Variants in SRPK1 observed in about 807,000 individuals in gnomAD.
SRPK1 encodes SFRS protein kinase 1.
A neutral mutation model predicts 89.5 loss-of-function variants in SRPK1; 52 were observed. The ratio of observed to expected loss-of-function variants is 0.58; its 90% CI spans 0.46 to 0.73. The LOEUF is 0.73. SRPK1 is among the 30% of genes least tolerant of loss of function. The pLI, the probability that SRPK1 is intolerant of heterozygous loss-of-function variation, is 0.00. For synonymous variants in SRPK1, 255 were observed against 270.2 expected, an observed-to-expected ratio of 0.94 and a Z score of 0.55; for missense variants, 603 against 780.6, an observed-to-expected ratio of 0.77 and a Z score of 2.71.
At chr6:35,869,352 CAATTT>C (rs1225764917) in intron 11 of SRPK1, 125 bp downstream of exon 11, 1 of 1,160,540 alleles carries the variant, frequency 8.6e-7, no homozygotes, top group East Asian at 2.4e-5. Flanking sequence ...CTACAGATTA[CAATTT>C]AAACGTAACT....
chr6:35,870,871 A>G, intron 9 of SRPK1, 63 bp downstream of exon 9: 1 of 1,376,326 alleles, frequency 7.3e-7, no homozygotes, highest in South Asian at 1.4e-5. Flanking sequence ...ACCATCCACA[A>G]CAGAAGAACC....
intron 8 of SRPK1, 35 bp downstream of exon 8, chr6:35,872,525 ACTT>A: frequency 2.6e-6 from 4 of 1,515,292 alleles, no homozygotes; most frequent in Non-Finnish European, 2.6e-6. Context: ...TTTCTTTTTA[ACTT>A]CTAATGATAG....
intron 4 of SRPK1, 27 bp from the exon 5 acceptor site, chr6:35,888,138 A>C (rs1181574602): frequency 6.7e-7 from 1 of 1,488,172 alleles, no homozygotes; most frequent in East Asian, 2.3e-5. Context: ...GGCAATTAAG[A>C]CTACATAGCC....
At position 35,834,059 on chromosome 6, in the gene SRPK1, C is replaced by T. The variant is rs1581983645; in HGVS notation, c.*1245G>A. ...TTTCTCAATTAAAACAAAAAAGCCT[C>T]AAGTACATCTCAATCATGTCAAAAT... On this transcript the variant is annotated 3_prime_UTR_variant, in exon 16 of 16. Transcript: ENST00000373825. 6.6e-6 allele frequency: 1 copy of T among 152,514 alleles called. No homozygotes were observed. Among genetic ancestry groups the T allele is most frequent in the South Asian group, 2.1e-4 (1 of 4,832 alleles). The allele number at this position is 152,514 out of a possible 1,614,324, so 9.4% of individuals were successfully genotyped here. A position where few individuals can be genotyped will look rare whatever the true frequency, so the allele number is the denominator to read the frequency against.
At chr6:35,843,811 G>A (rs1274172850) in intron 13 of SRPK1, among the ~76,000 whole-genome samples, 2 of 152,032 alleles carry the variant, frequency 1.3e-5, no homozygotes, top group Non-Finnish European at 2.9e-5. Context: ...CCTAGCCTAT[G>A]TGACTGGCAA....
chr6:35,838,980 G>C lies in SRPK1; in HGVS notation c.1691-551C>G, dbSNP rs1007943642. Reference sequence around the variant, plus strand: ...GTGGTTGGTCACCCGATAGTGTCTGGCAAGTCCCATTCTGGATTTTGGAGG... The same window carrying C: ...GTGGTTGGTCACCCGATAGTGTCTGCCAAGTCCCATTCTGGATTTTGGAGG... On this transcript the variant is annotated intron_variant, in intron 14 of 15. Transcript: ENST00000373825. 12 of 480,438 alleles carry C rather than the reference G, an allele frequency of 2.5e-5. 1 individual carries two copies. Among genetic ancestry groups the C allele is most frequent in the South Asian group, 1.8e-4 (8 of 45,214 alleles). 29.8% of individuals were successfully genotyped at this position (480,438 alleles called of 1,614,324 possible). A position where few individuals can be genotyped will look rare whatever the true frequency, so the allele number is the denominator to read the frequency against.
At position 35,834,951 on chromosome 6, in the gene SRPK1, A is replaced by C. The variant is rs1769143803; in HGVS notation, c.*353T>G. ...GAAAATTTGACTCTTAGAGTCAATG[A>C]ATAAAAGGATGGGCTCATACACCTT... On this transcript the variant is annotated 3_prime_UTR_variant, in exon 16 of 16. Transcript: ENST00000373825. The C allele has an allele frequency of 5.9e-6, 1 of 169,482 alleles. No homozygotes were observed. Among genetic ancestry groups the C allele is most frequent in the Non-Finnish European group, 1.3e-5 (1 of 78,234 alleles). The allele number at this position is 169,482 out of a possible 1,614,324, so 10.5% of individuals were successfully genotyped here.
At chr6:35,912,852 C>T (rs1771001091) in intron 2 of SRPK1, among the ~76,000 whole-genome samples, 1 of 152,240 alleles carries the variant, frequency 6.6e-6, no homozygotes, top group South Asian at 2.1e-4. Context: ...GGCATAATCA[C>T]AGCTCACTGT....
chr6:35,897,278 T>G (rs1304531412), intron 2 of SRPK1, among the ~76,000 whole-genome samples: 2 of 152,100 alleles, frequency 1.3e-5, no homozygotes, highest in African/African-American at 2.4e-5. Context: ...AAGAGAGAGA[T>G]AAAGTGGTGA....
At chr6:35,858,465 C>G (rs73404059) in intron 12 of SRPK1, among the ~76,000 whole-genome samples, 10,677 of 143,180 alleles carry the variant, frequency 0.075, 1,097 homozygotes, top group African/African-American at 0.24. Flanking sequence ...AATTATCTTA[C>G]AGACTTCCAC....
chr6:35,918,243 G>A (rs1198006493), intron 2 of SRPK1, among the ~76,000 whole-genome samples: 2 of 152,214 alleles, frequency 1.3e-5, no homozygotes, highest in South Asian at 4.1e-4. Flanking sequence ...GCTCATGCCT[G>A]TAATCCCAGC....
At chr6:35,872,830 A>T in intron 7 of SRPK1, 102 bp from the exon 8 acceptor site, 1 of 1,081,166 alleles carries the variant, frequency 9.2e-7, no homozygotes, top group Non-Finnish European at 1.3e-6. Context: ...AAGATATGAT[A>T]GCGTTTTCTA....
intron 12 of SRPK1, among the ~76,000 whole-genome samples, chr6:35,857,733 G>C (rs1300226210): frequency 1.3e-5 from 2 of 152,204 alleles, no homozygotes; most frequent in African/African-American, 4.8e-5. Flanking sequence ...CTCCCAAAGT[G>C]CTGGGATTAC....
At chr6:35,905,495 TAA>T (rs2127265727) in intron 2 of SRPK1, among the ~76,000 whole-genome samples, 1 of 152,272 alleles carries the variant, frequency 6.6e-6, no homozygotes, top group South Asian at 2.1e-4. Context: ...TTGGACTTTT[TAA>T]AAAAGTCAAA....
intron 13 of SRPK1, among the ~76,000 whole-genome samples, chr6:35,845,193 T>C (rs1027185046): frequency 1.3e-5 from 2 of 152,132 alleles, no homozygotes; most frequent in Non-Finnish European, 2.9e-5. Flanking sequence ...ATATTGTATA[T>C]AATAATGATA....
chr6:35,915,977 CA>C (rs1220080861), intron 2 of SRPK1, among the ~76,000 whole-genome samples: 77 of 74,350 alleles, frequency 1.0e-3, no homozygotes, highest in Middle Eastern at 0.015. Context: ...GTCTCAAAAA[CA>C]AAAAAAAAAA....
At chr6:35,858,415 TAA>T (rs1769710419) in intron 12 of SRPK1, among the ~76,000 whole-genome samples, 1 of 152,076 alleles carries the variant, frequency 6.6e-6, no homozygotes, top group South Asian at 2.1e-4. Flanking sequence ...ATTTTTAGTA[TAA>T]GAGGTGAAAA....
chr6:35,919,373 C>CAAT (rs1771178400), intron 2 of SRPK1, among the ~76,000 whole-genome samples: 3 of 152,194 alleles, frequency 2.0e-5, no homozygotes, highest in African/African-American at 7.2e-5. Context: ...CACACCCCTA[C>CAAT]ACCCCCCTAA....
intron 12 of SRPK1, among the ~76,000 whole-genome samples, chr6:35,868,486 C>T (rs1316461925): frequency 6.6e-6 from 1 of 152,096 alleles, no homozygotes; most frequent in Non-Finnish European, 1.5e-5. Context: ...CAAAGATTTG[C>T]GTGCAGAGTC....
Sources: allele counts gnomAD v4.1 joint callset (sites outside exome capture counted in the v4.1 genomes callset), GRCh38; gene constraint gnomAD v4.1.1; transcripts MANE v1.5; gene names NCBI Gene and HGNC (gene_info 2026-07-23, HGNC 2026-07-21).